Variants in HECW1 observed in about 807,000 individuals in gnomAD.
HECW1 encodes E3 ubiquitin-protein ligase HECW1.
A neutral mutation model predicts 182.3 loss-of-function variants in HECW1; 61 were observed. The ratio of observed to expected loss-of-function variants is 0.33; its 90% CI spans 0.27 to 0.41. HECW1 has a LOEUF of 0.41. HECW1 is among the 10% of genes least tolerant of loss of function. The pLI, the probability that HECW1 is intolerant of heterozygous loss-of-function variation, is 1.00. For missense variants in HECW1, 1,739 were observed against 2,108.9 expected (o/e 0.82, Z 3.44); for synonymous variants, 859 against 832.6 (o/e 1.03, Z -0.55).
At chr7:43,424,925 A>C (rs2076307987) in intron 8 of HECW1, among the ~76,000 whole-genome samples, 1 of 152,208 alleles carries the variant, frequency 6.6e-6, no homozygotes, top group Non-Finnish European at 1.5e-5. Flanking sequence ...AAACATTTAA[A>C]TTATTAACGC....
At chr7:43,214,412 A>G (rs1351344613) in intron 2 of HECW1, among the ~76,000 whole-genome samples, 1 of 152,230 alleles carries the variant, frequency 6.6e-6, no homozygotes, top group East Asian at 1.9e-4. Flanking sequence ...TCAAATATAT[A>G]TTCAAATAAC....
At chr7:43,536,521 G>T (rs1419487236) in intron 24 of HECW1, among the ~76,000 whole-genome samples, 1 of 152,218 alleles carries the variant, frequency 6.6e-6, no homozygotes, top group Non-Finnish European at 1.5e-5. Context: ...CACCTGCTGG[G>T]TACCTGGGAG....
chr7:43,270,391 C>G (rs1305115258), intron 3 of HECW1, among the ~76,000 whole-genome samples: 1 of 152,194 alleles, frequency 6.6e-6, no homozygotes, highest in Non-Finnish European at 1.5e-5. Flanking sequence ...ATGGAGGTAT[C>G]AGCTAGCAAC....
At chr7:43,479,530 T>C in intron 16 of HECW1, 80 bp from the exon 17 acceptor site, 1 of 1,544,244 alleles carries the variant, frequency 6.5e-7, no homozygotes, top group Non-Finnish European at 8.9e-7. Context: ...CTGGGCCCTG[T>C]AGCACTCCTG....
chr7:43,391,635 T>C (rs1187755704), intron 6 of HECW1, among the ~76,000 whole-genome samples: 1 of 152,202 alleles, frequency 6.6e-6, no homozygotes, highest in Non-Finnish European at 1.5e-5. Flanking sequence ...ATGTTTCTTT[T>C]GTTTAGGCCC....
intron 3 of HECW1, among the ~76,000 whole-genome samples, chr7:43,301,781 A>G (rs1029780991): frequency 1.3e-5 from 2 of 151,990 alleles, no homozygotes; most frequent in East Asian, 3.9e-4. Flanking sequence ...AGGCTGAAGC[A>G]GGAGAATCTC....
At chr7:43,317,955 T>G (rs1458430615) in intron 4 of HECW1, among the ~76,000 whole-genome samples, 1 of 152,044 alleles carries the variant, frequency 6.6e-6, no homozygotes, top group Non-Finnish European at 1.5e-5. Flanking sequence ...TTTTGTACAT[T>G]CTATATTCTA....
In HECW1 at chr7:43,466,509, T is replaced by C; in HGVS notation, c.2854T>C (p.Ser952Pro). ...ACAAAAAATCACCTTGCTGCTGCAG[T>C]CCCCAGCGGTCAAGTTCATCACCAA... ...NSQKITLLLQ[S>P]PAVKFITNPE... The change falls in exon 15 of 30, where the codon TCC becomes CCC. Residue 952 changes from serine to proline, a missense_variant. By Grantham distance (74) the Ser-to-Pro change is moderately conservative. Coordinates refer to ENST00000395891, the MANE Select transcript of HECW1 (RefSeq NM_015052.5). 6.2e-7 allele frequency: 1 copy of C among 1,613,940 alleles called. No homozygotes were observed. Among genetic ancestry groups the C allele is most frequent in the Non-Finnish European group, 8.5e-7 (1 of 1,179,888 alleles).
At chr7:43,308,310 T>TTA (rs1434927761) in intron 3 of HECW1, among the ~76,000 whole-genome samples, 1 of 122,018 alleles carries the variant, frequency 8.2e-6, no homozygotes, top group Non-Finnish European at 1.7e-5. Context: ...TATGATATAT[T>TTA]TATATATTAT....
intron 2 of HECW1, among the ~76,000 whole-genome samples, chr7:43,152,552 T>C (rs1251360348): frequency 1.3e-5 from 2 of 152,232 alleles, no homozygotes; most frequent in African/African-American, 4.8e-5. Context: ...AGCTCTCTCT[T>C]ATAAGGGTAC....
intron 11 of HECW1, among the ~76,000 whole-genome samples, chr7:43,449,970 C>T (rs1746496217): frequency 6.6e-6 from 1 of 152,194 alleles, no homozygotes; most frequent in African/African-American, 2.4e-5. Context: ...GAACTGAGAA[C>T]AGTATAAGCT....
chr7:43,190,871 A>T lies in HECW1; in HGVS notation c.-31-53004A>T, dbSNP rs555849759. On this transcript the variant is annotated intron_variant, in intron 2 of 29. Coordinates refer to ENST00000395891, the MANE Select transcript of HECW1 (RefSeq NM_015052.5). ...CCCAGTCTTGTTTCTGGCTGCTAAT[A>T]GGTCACTGCATGACTTCATATCAAA... 5.3e-5 allele frequency among the ~76,000 whole-genome samples: 8 copies of T among 152,322 alleles called. No individual in the cohort carries two copies. In the South Asian group the frequency reaches 1.2e-3, roughly 24 times the overall value.
intron 2 of HECW1, among the ~76,000 whole-genome samples, chr7:43,145,203 G>C (rs893744443): frequency 2.6e-5 from 4 of 152,138 alleles, no homozygotes; most frequent in Non-Finnish European, 5.9e-5. Flanking sequence ...GGGTTAAGCT[G>C]TATGAACTCA....
At chr7:43,535,599 C>T (rs938091020) in intron 24 of HECW1, among the ~76,000 whole-genome samples, 3 of 152,144 alleles carry the variant, frequency 2.0e-5, no homozygotes, top group African/African-American at 4.8e-5. Flanking sequence ...AGAGGGGAAA[C>T]GGCTGAACCA....
At chr7:43,135,544 C>G (rs1787431844) in intron 2 of HECW1, among the ~76,000 whole-genome samples, 2 of 152,174 alleles carry the variant, frequency 1.3e-5, no homozygotes, top group African/African-American at 2.4e-5. Context: ...AAATATTTCT[C>G]TTGACTAAGG....
chr7:43,480,888 G>A (rs569335939), intron 17 of HECW1, among the ~76,000 whole-genome samples: 16 of 152,080 alleles, frequency 1.1e-4, no homozygotes, highest in African/African-American at 2.2e-4. Context: ...TTGATGTATC[G>A]GCACCAGTTA....
rs2082253146 is a variant in HECW1, at chr7:43,563,079, C to T, written c.*1153C>T. ...CATTCGATTGTCCATCGGGACCACA[C>T]TAGGAAGCTGCAGAGAGTGATGGTG... On this transcript the variant is annotated 3_prime_UTR_variant, in exon 30 of 30. Coordinates refer to ENST00000395891, the MANE Select transcript of HECW1 (RefSeq NM_015052.5). The T allele has an allele frequency of 9.9e-6, 2 of 202,348 alleles. No individual in the cohort carries two copies. The highest frequency in any genetic ancestry group is 2.0e-5 in the Non-Finnish European group (2 of 98,362). The allele number at this position is 202,348 out of a possible 1,614,324, so 12.5% of individuals were successfully genotyped here.
At chr7:43,488,396 AAGGAAATG>A (rs1423856898) in intron 17 of HECW1, among the ~76,000 whole-genome samples, 1 of 82,694 alleles carries the variant, frequency 1.2e-5, no homozygotes, top group African/African-American at 4.7e-5. Context: ...GGAAGGAAGG[AAGGAAATG>A]AAAGAAAGAG....
chr7:43,517,537 C>T (rs17209031), intron 24 of HECW1, among the ~76,000 whole-genome samples: 32,130 of 152,076 alleles, frequency 0.21, 3,551 homozygotes, highest in South Asian at 0.31. Flanking sequence ...TAAGAAGTCC[C>T]GGATAACACA....
Sources: gnomAD v4.1 joint callset for allele counts (sites outside exome capture counted in the v4.1 genomes callset) on GRCh38, gnomAD v4.1.1 for gene constraint, MANE v1.5 for transcripts, NCBI Gene and HGNC (gene_info 2026-07-23, HGNC 2026-07-21) for gene names.